Variants in MROH2B observed in about 807,000 individuals in gnomAD.
The protein encoded by MROH2B is maestro heat like repeat family member 2B, also known as maestro heat-like repeat-containing protein family member 2B.
MROH2B carries 177 observed loss-of-function variants against 208.6 expected under a neutral mutation model. The observed-to-expected ratio is 0.85, with a 90% CI of 0.75 to 0.96. MROH2B has a LOEUF of 0.96. MROH2B is among the 40% of genes least tolerant of loss of function. The pLI, the probability that MROH2B is intolerant of heterozygous loss-of-function variation, is 0.00. For missense variants in MROH2B, 2,002 were observed against 1,878.7 expected, an observed-to-expected ratio of 1.07 and a Z score of -1.21; for synonymous variants, 728 against 659.0, an observed-to-expected ratio of 1.10 and a Z score of -1.60.
At chr5:41,061,263 ATTGT>A (rs1248320359) in intron 6 of MROH2B, among the ~76,000 whole-genome samples, 1 of 152,140 alleles carries the variant, frequency 6.6e-6, no homozygotes, top group Non-Finnish European at 1.5e-5. Flanking sequence ...TATCTTATTG[ATTGT>A]TCTTTCCACA....
chr5:41,044,444 T>A (rs115448710), intron 18 of MROH2B, among the ~76,000 whole-genome samples: 1 of 152,180 alleles, frequency 6.6e-6, no homozygotes. Flanking sequence ...AGTACATTCT[T>A]ACTTTACTCT....
chr5:41,063,233 A>G (rs533152632), intron 5 of MROH2B, among the ~76,000 whole-genome samples: 315 of 152,342 alleles, frequency 2.1e-3, no homozygotes, highest in Non-Finnish European at 3.9e-3. Context: ...GTTTATTTGC[A>G]GGAACACAGT....
intron 7 of MROH2B, among the ~76,000 whole-genome samples, chr5:41,057,642 C>T (rs915610107): frequency 2.8e-5 from 4 of 140,672 alleles, no homozygotes; most frequent in African/African-American, 1.0e-4. Context: ...CTGTAACCTC[C>T]GCCTCTCGGG....
At chr5:41,052,433 G>C (rs754146554) in intron 12 of MROH2B, 32 bp downstream of exon 12, 9 of 1,580,400 alleles carry the variant, frequency 5.7e-6, no homozygotes, top group Non-Finnish European at 7.7e-6. Context: ...ACTTTTTATA[G>C]TGCATCACTC....
At chr5:41,001,733 A>T (rs1741404980) in intron 37 of MROH2B, among the ~76,000 whole-genome samples, 2 of 152,006 alleles carry the variant, frequency 1.3e-5, no homozygotes, top group Non-Finnish European at 2.9e-5. Context: ...AGAAAGAAAA[A>T]AAAAAGAAAA....
chr5:41,012,653 G>A lies in MROH2B; in HGVS notation c.3065C>T (p.Thr1022Ile), dbSNP rs765931555. The A allele has an allele frequency of 2.1e-5, 34 of 1,613,896 alleles. No homozygotes were observed. The highest frequency in any genetic ancestry group is 2.7e-5 in the Non-Finnish European group (32 of 1,179,814). ...CCATATGCCACAGGCCTTTGTACAA[G>A]TGGGGTTGAGGCTCTCCAGACCGTC... Reference protein sequence around the residue: ...MLDGLESLNPTCTKACGIWMI... With the variant: ...MLDGLESLNPICTKACGIWMI... Residue 1022 changes from threonine to isoleucine, a missense_variant, in exon 30 of 42, where the codon ACT (threonine) becomes ATT (isoleucine). Thr to Ile is a moderately conservative substitution (Grantham distance 89). Transcript: ENST00000399564.
At chr5:41,015,269 G>T in intron 29 of MROH2B, 112 bp downstream of exon 29, 2 of 863,218 alleles carry the variant, frequency 2.3e-6, no homozygotes, top group Non-Finnish European at 1.8e-6. Context: ...AGGACCACGG[G>T]TCCCTCATTC....
chr5:41,038,727 G>C lies in MROH2B; in HGVS notation c.2214+9C>G. 1 of 1,597,524 alleles carries C rather than the reference G, an allele frequency of 6.3e-7. No individual in the cohort carries two copies. Among genetic ancestry groups the C allele is most frequent in the Non-Finnish European group, 8.5e-7 (1 of 1,170,112 alleles). ...CTAGAAATGGAGGCAGCCATGCAAC[G>C]GGCATTACCTGAGAGCACTGGCCAT... is the stretch of plus-strand genomic sequence containing the variant. On this transcript the variant is annotated intron_variant, in intron 21 of 41. Transcript: ENST00000399564.
intron 21 of MROH2B, among the ~76,000 whole-genome samples, chr5:41,034,720 C>T (rs889556971): frequency 3.9e-5 from 6 of 152,028 alleles, no homozygotes; most frequent in Admixed American, 2.0e-4. Context: ...CCACCAAAAG[C>T]CTGCTGGAAC....
In MROH2B at chr5:41,033,173, C is replaced by A. The variant is rs781429489; in HGVS notation, c.2242-13G>T. ...GCAGATCCATGTCCTAAAGCAAAAG[C>A]ATTTACAATGCAAGTCAAGGTCTAA... On this transcript the variant is annotated splice_polypyrimidine_tract_variant and intron_variant, in intron 22 of 41. Transcript: ENST00000399564. 1 of 1,611,984 alleles carries A rather than the reference C, an allele frequency of 6.2e-7. No homozygotes were observed. Among genetic ancestry groups the A allele is most frequent in the East Asian group, 2.2e-5 (1 of 44,852 alleles).
At chr5:41,031,134 T>C (rs1742554587) in intron 24 of MROH2B, among the ~76,000 whole-genome samples, 1 of 152,002 alleles carries the variant, frequency 6.6e-6, no homozygotes, top group Admixed American at 6.6e-5. Context: ...GACTAGGTAA[T>C]TTATAAAGGA....
rs3817322 is a variant in MROH2B at position 41,000,569 on chromosome 5, G to A, written c.4350+109C>T. On this transcript the variant is annotated intron_variant, in intron 38 of 41. Coordinates refer to ENST00000399564, the MANE Select transcript of MROH2B (RefSeq NM_173489.5). Reference sequence around the variant, plus strand: ...TGGAGAAGAGGTTTTCAGGTTCAGCGCTAAGGGGTGACTTTAGATCTGGCT... The same window carrying A: ...TGGAGAAGAGGTTTTCAGGTTCAGCACTAAGGGGTGACTTTAGATCTGGCT... 8,082 of 1,406,236 alleles carry A rather than the reference G, an allele frequency of 5.7e-3. 380 individuals carry two copies. The East Asian group carries it at 0.13, about 22-fold the overall frequency. 87.1% of individuals were successfully genotyped at this position (1,406,236 alleles called of 1,614,324 possible). A position where few individuals can be genotyped will look rare whatever the true frequency, so the allele number is the denominator to read the frequency against.
At chr5:41,020,123 T>A (rs1742095773) in intron 24 of MROH2B, among the ~76,000 whole-genome samples, 1 of 152,146 alleles carries the variant, frequency 6.6e-6, no homozygotes. Flanking sequence ...ATGTAACACA[T>A]GGGATTTTGA....
intron 24 of MROH2B, among the ~76,000 whole-genome samples, chr5:41,027,360 C>T (rs890588708): frequency 8.5e-5 from 13 of 152,132 alleles, no homozygotes; most frequent in African/African-American, 2.7e-4. Context: ...CAAACAACCC[C>T]ATCAAAAAGT....
At chr5:41,067,688 A>G (rs1743854619) in intron 2 of MROH2B, among the ~76,000 whole-genome samples, 1 of 152,170 alleles carries the variant, frequency 6.6e-6, no homozygotes, top group African/African-American at 2.4e-5. Context: ...CTTTCTGAAC[A>G]TAACATGCAT....
At chr5:41,031,203 C>T (rs1742557104) in intron 24 of MROH2B, among the ~76,000 whole-genome samples, 4 of 152,126 alleles carry the variant, frequency 2.6e-5, no homozygotes, top group Admixed American at 2.6e-4. Context: ...AAACTTACAA[C>T]TGTGGCCAAA....
chr5:40,998,237 A>G (rs1166000779), intron 41 of MROH2B, 79 bp from the exon 42 acceptor site: 5 of 1,100,676 alleles, frequency 4.5e-6, no homozygotes, highest in African/African-American at 1.5e-5. Flanking sequence ...CCAAGGCCCA[A>G]CTTTTTAGCA....
chr5:41,000,621 G>C, intron 38 of MROH2B, 57 bp downstream of exon 38: 1 of 1,545,348 alleles, frequency 6.5e-7, no homozygotes. Context: ...CAGGCTTATT[G>C]GTACTTCTCA....
At chr5:41,058,666 T>C (rs1411235878) in intron 6 of MROH2B, among the ~76,000 whole-genome samples, 1 of 152,130 alleles carries the variant, frequency 6.6e-6, no homozygotes, top group Admixed American at 6.6e-5. Flanking sequence ...TTGTATTTTT[T>C]TGAGACAGAG....
Sources: allele counts gnomAD v4.1 joint callset (sites outside exome capture counted in the v4.1 genomes callset), GRCh38; gene constraint gnomAD v4.1.1; transcripts MANE v1.5; gene names NCBI Gene and HGNC (gene_info 2026-07-23, HGNC 2026-07-21).